UBTD2: variants seen among roughly 807,000 people sequenced by gnomAD.
UBTD2 encodes the protein ubiquitin domain containing 2.
A neutral mutation model predicts 19.8 loss-of-function variants in UBTD2; 9 were observed. The observed-to-expected ratio is 0.46, with a 90% CI of 0.27 to 0.79. The LOEUF (loss-of-function observed/expected upper bound fraction) is 0.79. Ranked by LOEUF, UBTD2 falls within the 30% of genes least tolerant of loss-of-function variation. The pLI is 0.14. For synonymous variants in UBTD2, 98 were observed against 103.9 expected (o/e 0.94, Z 0.35); for missense variants, 250 against 300.4 (o/e 0.83, Z 1.24).
chr5:172,248,989 T>C (rs1053539606), intron 1 of UBTD2, among the ~76,000 whole-genome samples: 1 of 151,126 alleles, frequency 6.6e-6, no homozygotes, highest in Non-Finnish European at 1.5e-5. Context: ...AGAAAAACAG[T>C]AGAGATTCAA....
chr5:172,233,754 G>A (rs574638167), intron 2 of UBTD2, among the ~76,000 whole-genome samples: 4 of 118,748 alleles, frequency 3.4e-5, no homozygotes, highest in African/African-American at 1.3e-4. Flanking sequence ...CTGCTAGGAG[G>A]AAACCAGTGA....
rs1278189930 is a variant in UBTD2, at chr5:172,209,654, A to AT, written c.*2175_*2176insA. ...AGGCAAAGACAAAGAGAAAAATTGA[A>AT]CCTTTTTTTTTTTTTTAAAAAAAGC... is the stretch of plus-strand genomic sequence containing the variant. On this transcript the variant is annotated 3_prime_UTR_variant, in exon 3 of 3. Transcript: ENST00000393792. 163 of 136,940 alleles carry AT rather than the reference A, an allele frequency of 1.2e-3. No homozygotes were observed. The highest frequency in any genetic ancestry group is 4.3e-3 in the African/African-American group (157 of 36,708). 8.5% of individuals were successfully genotyped at this position (136,940 alleles called of 1,614,324 possible).
intron 1 of UBTD2, among the ~76,000 whole-genome samples, chr5:172,253,265 T>G (rs1755064546): frequency 6.6e-6 from 1 of 152,156 alleles, no homozygotes. Flanking sequence ...TTAGCTTACT[T>G]AAGTGCAATG....
intron 1 of UBTD2, among the ~76,000 whole-genome samples, chr5:172,261,411 C>T (rs1029810023): frequency 6.6e-6 from 1 of 152,172 alleles, no homozygotes; most frequent in Non-Finnish European, 1.5e-5. Context: ...CTCAGTGAAA[C>T]TTCTTTCCCC....
intron 2 of UBTD2, among the ~76,000 whole-genome samples, chr5:172,221,372 G>A (rs1331126666): frequency 5.3e-5 from 8 of 152,078 alleles, no homozygotes; most frequent in Non-Finnish European, 7.3e-5. Context: ...AGGCATGGTG[G>A]TGCCTGCCCG....
At chr5:172,244,049 C>T (rs1264454933) in intron 1 of UBTD2, among the ~76,000 whole-genome samples, 4 of 151,952 alleles carry the variant, frequency 2.6e-5, no homozygotes, top group South Asian at 2.1e-4. Context: ...CTAGTTGCAA[C>T]GTTCTATTTG....
intron 1 of UBTD2, among the ~76,000 whole-genome samples, chr5:172,276,438 T>C (rs768939597): frequency 1.9e-4 from 29 of 152,194 alleles, no homozygotes; most frequent in Non-Finnish European, 3.5e-4. Context: ...CATGCATGTA[T>C]TGTTTACAAC....
At chr5:172,255,396 G>C (rs554424752) in intron 1 of UBTD2, 1 of 493,956 alleles carries the variant, frequency 2.0e-6, no homozygotes, top group East Asian at 5.1e-5. Context: ...CAGGGTCCAC[G>C]GGCCTCTTGC....
intron 1 of UBTD2, among the ~76,000 whole-genome samples, chr5:172,249,363 C>T (rs1204295995): frequency 7.2e-6 from 1 of 139,006 alleles, no homozygotes; most frequent in Non-Finnish European, 1.5e-5. Context: ...TGCACCACTG[C>T]ACTCCAGCCT....
chr5:172,227,846 A>G (rs368335498), intron 2 of UBTD2, among the ~76,000 whole-genome samples: 1 of 151,214 alleles, frequency 6.6e-6, no homozygotes, highest in African/African-American at 2.4e-5. Flanking sequence ...ATGCCCGGCT[A>G]ATTTTTGTAT....
rs56005302 is a variant in UBTD2, at chr5:172,277,071, A to G, written c.70+6525T>C. Among the ~76,000 whole-genome samples, 249 of 30,816 alleles carry G rather than the reference A, an allele frequency of 8.1e-3. 1 individual carries two copies. Among genetic ancestry groups the G allele is most frequent in the South Asian group, 0.016 (6 of 386 alleles). 20.2% of individuals were successfully genotyped at this position (30,816 alleles called of 152,430 possible). Reference sequence around the variant, plus strand: ...GTGACAAAGCAGACTCTGTCTCAAAAAAAAAAAAAAAAAAAAAAAAAAAAA... The same window carrying G: ...GTGACAAAGCAGACTCTGTCTCAAAGAAAAAAAAAAAAAAAAAAAAAAAAA... On this transcript the variant is annotated intron_variant, in intron 1 of 2. Coordinates refer to ENST00000393792, the MANE Select transcript of UBTD2 (RefSeq NM_152277.3).
intron 2 of UBTD2, among the ~76,000 whole-genome samples, chr5:172,230,789 T>A (rs866034756): frequency 1.5e-3 from 222 of 151,042 alleles, no homozygotes; most frequent in African/African-American, 3.7e-3. Context: ...TTCCTTATTT[T>A]TTTTTTTTTT....
At chr5:172,254,424 C>G (rs189181150) in intron 1 of UBTD2, 5 of 396,976 alleles carry the variant, frequency 1.3e-5, no homozygotes, top group Non-Finnish European at 2.4e-5. Context: ...ATGGTTGGGA[C>G]GGGAAAAGCT....
In UBTD2 at chr5:172,283,278, A is replaced by G. The variant is rs949010918; in HGVS notation, c.70+318T>C. Among the ~76,000 whole-genome samples, 2 of 151,676 alleles carry G rather than the reference A, an allele frequency of 1.3e-5. No homozygotes were observed. Among genetic ancestry groups the G allele is most frequent in the African/African-American group, 4.8e-5 (2 of 41,262 alleles). Reference sequence around the variant, plus strand: ...CCCCGGCGCCGCCATCCTGATCCTCAATAATTAAACGGCCTGGAGAGGGAG... The same window carrying G: ...CCCCGGCGCCGCCATCCTGATCCTCGATAATTAAACGGCCTGGAGAGGGAG... On this transcript the variant is annotated intron_variant, in intron 1 of 2. Coordinates refer to ENST00000393792, the MANE Select transcript of UBTD2 (RefSeq NM_152277.3). The surrounding 1 kb of genome is among the most constrained non-coding windows in gnomAD (Gnocchi z 4.3).
At chr5:172,258,582 A>G (rs1019240595) in intron 1 of UBTD2, among the ~76,000 whole-genome samples, 1 of 152,194 alleles carries the variant, frequency 6.6e-6, no homozygotes, top group Admixed American at 6.5e-5. Context: ...CATCTTAACA[A>G]TATTGATTCT....
chr5:172,283,099 C>T lies in UBTD2; in HGVS notation c.70+497G>A, dbSNP rs6894416. On this transcript the variant is annotated intron_variant, in intron 1 of 2. Coordinates refer to ENST00000393792, the MANE Select transcript of UBTD2 (RefSeq NM_152277.3). This position sits in a 1 kb window ranked among gnomAD's most constrained non-coding sequence, Gnocchi z 4.3. ...AAACTCGCAGGTTTAAATGGCCAAT[C>T]TGGAACCAACCGGGGCAGCTGTCAT... Among the ~76,000 whole-genome samples the T allele has an allele frequency of 0.026, 3,882 of 152,232 alleles. 134 individuals are homozygous for T. Among genetic ancestry groups the T allele is most frequent in the African/African-American group, 0.088 (3,666 of 41,520 alleles).
chr5:172,250,970 TAAAAGGAAGA>T lies in UBTD2; in HGVS notation c.71-16622_71-16613del, dbSNP rs1213607580. ...AAAAAAAAAAAAAAAGGAAAGAAAG[TAAAAGGAAGA>T]AAAAGGAAGAAAAGAAAGATAAAGT... On this transcript the variant is annotated intron_variant, in intron 1 of 2. Coordinates refer to ENST00000393792, the MANE Select transcript of UBTD2 (RefSeq NM_152277.3). Among the ~76,000 whole-genome samples, 31 of 97,360 alleles carry T rather than the reference TAAAAGGAAGA, an allele frequency of 3.2e-4. 1 individual carries two copies. In the South Asian group the frequency reaches 4.4e-3, roughly 14 times the overall value. 63.9% of individuals were successfully genotyped at this position (97,360 alleles called of 152,430 possible).
At chr5:172,214,974 C>T (rs1771514968) in intron 2 of UBTD2, among the ~76,000 whole-genome samples, 1 of 152,198 alleles carries the variant, frequency 6.6e-6, no homozygotes, top group Admixed American at 6.5e-5. Context: ...GGGCAAACCA[C>T]TGCCCCCGAA....
chr5:172,251,314 C>CAAAAAAAAAAAGAAAAAAAAAAAAA (rs1755008943), intron 1 of UBTD2, among the ~76,000 whole-genome samples: 4 of 118,240 alleles, frequency 3.4e-5, no homozygotes, highest in African/African-American at 1.4e-4. Context: ...GAGCCTATCT[C>CAAAAAAAAAAAGAAAAAAAAAAAAA]AAAAAAAAAA....
Sources: allele counts gnomAD v4.1 joint callset (sites outside exome capture counted in the v4.1 genomes callset), GRCh38; gene constraint gnomAD v4.1.1; non-coding constraint Gnocchi (gnomAD v3.1); transcripts MANE v1.5; gene names NCBI Gene and HGNC (gene_info 2026-07-23, HGNC 2026-07-21).